AGBL4: variants seen among roughly 807,000 people sequenced by gnomAD.
AGBL4 encodes cytosolic carboxypeptidase 6.
Under a neutral mutation model 66.4 loss-of-function variants are expected in AGBL4, and 58 were observed. The observed-to-expected ratio is 0.87, with a 90% CI of 0.71 to 1.09. AGBL4 has a LOEUF of 1.09. Among genes scored for constraint, AGBL4 ranks in the 50% least tolerant of loss-of-function variants. AGBL4 has a pLI of 0.00. For synonymous variants in AGBL4, 234 were observed against 222.9 expected, an observed-to-expected ratio of 1.05 and a Z score of -0.44; for missense variants, 579 against 631.0, an observed-to-expected ratio of 0.92 and a Z score of 0.88.
intron 5 of AGBL4, among the ~76,000 whole-genome samples, chr1:48,977,629 T>A (rs1659442602): frequency 1.3e-5 from 2 of 152,084 alleles, no homozygotes; most frequent in Non-Finnish European, 2.9e-5. Context: ...GGGAACACAA[T>A]AATGGCTCCA....
intron 2 of AGBL4, among the ~76,000 whole-genome samples, chr1:49,749,668 A>G (rs1651292144): frequency 6.6e-6 from 1 of 152,164 alleles, no homozygotes; most frequent in African/African-American, 2.4e-5. Context: ...TTATATCAAA[A>G]AAACACAGGA....
intron 5 of AGBL4, among the ~76,000 whole-genome samples, chr1:48,916,289 C>T (rs1377746066): frequency 6.6e-6 from 1 of 152,144 alleles, no homozygotes; most frequent in Non-Finnish European, 1.5e-5. Flanking sequence ...CATAAACTTT[C>T]CCATCTGGCT....
At chr1:49,717,012 A>G (rs1648198660) in intron 2 of AGBL4, among the ~76,000 whole-genome samples, 1 of 152,028 alleles carries the variant, frequency 6.6e-6, no homozygotes, top group African/African-American at 2.4e-5. Context: ...TGACATGATC[A>G]TAGATTTAGA....
intron 3 of AGBL4, among the ~76,000 whole-genome samples, chr1:49,272,950 G>C (rs1477843747): frequency 1.3e-5 from 2 of 151,904 alleles, no homozygotes; most frequent in African/African-American, 4.8e-5. Flanking sequence ...TTTTTCCTGG[G>C]TATTTTAGTC....
intron 6 of AGBL4, among the ~76,000 whole-genome samples, chr1:48,842,856 C>T (rs887816955): frequency 6.6e-6 from 1 of 151,996 alleles, no homozygotes; most frequent in Non-Finnish European, 1.5e-5. Context: ...AAGAAAATCT[C>T]GTTGCATGCT....
intron 3 of AGBL4, among the ~76,000 whole-genome samples, chr1:49,639,999 G>A (rs1162379283): frequency 6.6e-6 from 1 of 152,124 alleles, no homozygotes; most frequent in East Asian, 1.9e-4. Context: ...AAGTCCATGA[G>A]GGAAACTGGC....
In AGBL4 at chr1:49,832,358, G is replaced by T. The variant is rs1436299991; in HGVS notation, c.157+19038C>A. The stretch of plus-strand genomic sequence containing the variant: ...TTTTTATGGCTGCATAGTATTCCAT[G>T]GTGTATATGTGCCACATTTTCTTAA... On this transcript the variant is annotated intron_variant, in intron 2 of 13. Coordinates refer to ENST00000371839, the MANE Select transcript of AGBL4 (RefSeq NM_032785.4). 9.3e-5 allele frequency among the ~76,000 whole-genome samples: 14 copies of T among 150,140 alleles called. No individual in the cohort carries two copies. In the Admixed American group the frequency reaches 9.4e-4, roughly 10 times the overall value.
intron 3 of AGBL4, among the ~76,000 whole-genome samples, chr1:49,347,559 TC>T (rs1380624076): frequency 6.6e-6 from 1 of 152,018 alleles, no homozygotes; most frequent in African/African-American, 2.4e-5. Flanking sequence ...TTCTTTACTT[TC>T]TTAATAAACT....
intron 3 of AGBL4, among the ~76,000 whole-genome samples, chr1:49,674,737 T>C (rs1646547263): frequency 6.6e-6 from 1 of 151,930 alleles, no homozygotes; most frequent in Non-Finnish European, 1.5e-5. Flanking sequence ...GAAATCACCA[T>C]TAAGTGGTAG....
chr1:48,792,252 A>G (rs532931820), intron 6 of AGBL4, among the ~76,000 whole-genome samples: 1 of 152,312 alleles, frequency 6.6e-6, no homozygotes, highest in Admixed American at 6.5e-5. Context: ...AATGGCCACC[A>G]ACAGACACTA....
intron 6 of AGBL4, among the ~76,000 whole-genome samples, chr1:48,818,700 G>A (rs914913678): frequency 1.8e-4 from 27 of 151,878 alleles, no homozygotes; most frequent in African/African-American, 6.5e-4. Flanking sequence ...TTCTAATACT[G>A]TAATATTAAG....
intron 2 of AGBL4, among the ~76,000 whole-genome samples, chr1:49,848,385 T>C (rs1023306992): frequency 6.6e-6 from 1 of 152,226 alleles, no homozygotes; most frequent in Non-Finnish European, 1.5e-5. Context: ...TTTATTACAA[T>C]ACTATTCACA....
At chr1:49,372,601 TTTTCTTTTTCTTTC>T (rs1225485201) in intron 3 of AGBL4, among the ~76,000 whole-genome samples, 3 of 148,624 alleles carry the variant, frequency 2.0e-5, no homozygotes, top group South Asian at 4.2e-4. Context: ...TTTCTTTTCT[TTTTCTTTTTCTTTC>T]TTTCTTTCTT....
In AGBL4 at chr1:49,188,830, C is replaced by T. The variant is rs183500308; in HGVS notation, c.377+56940G>A. Among the ~76,000 whole-genome samples the T allele has an allele frequency of 1.6e-4, 24 of 152,210 alleles. No individual in the cohort carries two copies. In the South Asian group the frequency reaches 2.1e-3, roughly 13 times the overall value. ...TTTCTAATTCATAAAATATTAATGC[C>T]GGTTGGTTTAGAAGGAGTGCAAAGT... On this transcript the variant is annotated intron_variant, in intron 4 of 13. Transcript: ENST00000371839.
chr1:49,398,993 C>T (rs1015087815), intron 3 of AGBL4, among the ~76,000 whole-genome samples: 1 of 152,052 alleles, frequency 6.6e-6, no homozygotes, highest in African/African-American at 2.4e-5. Context: ...CTGCCACCAC[C>T]CTACTACCCT....
chr1:49,176,572 T>G (rs984196510), intron 4 of AGBL4, among the ~76,000 whole-genome samples: 2 of 152,172 alleles, frequency 1.3e-5, no homozygotes, highest in African/African-American at 4.8e-5. Flanking sequence ...AATCCTGAAG[T>G]AATGATTTGA....
chr1:48,715,537 T>C (rs756548595), intron 6 of AGBL4, among the ~76,000 whole-genome samples: 1 of 152,198 alleles, frequency 6.6e-6, no homozygotes, highest in Non-Finnish European at 1.5e-5. Flanking sequence ...CTGGTGCTAG[T>C]GCAGCACCTA....
intron 5 of AGBL4, among the ~76,000 whole-genome samples, chr1:48,873,680 G>GT (rs1648919407): frequency 6.6e-6 from 1 of 152,134 alleles, no homozygotes; most frequent in African/African-American, 2.4e-5. Context: ...GTCACCAAAA[G>GT]AGGTCTTTAG....
intron 3 of AGBL4, among the ~76,000 whole-genome samples, chr1:49,394,042 T>C (rs1370141328): frequency 6.6e-6 from 1 of 152,126 alleles, no homozygotes; most frequent in Non-Finnish European, 1.5e-5. Flanking sequence ...ATTTCCCTTT[T>C]GATCTGATTA....
Sources: allele counts gnomAD v4.1 joint callset (sites outside exome capture counted in the v4.1 genomes callset), GRCh38; gene constraint gnomAD v4.1.1; transcripts MANE v1.5; gene names NCBI Gene and HGNC (gene_info 2026-07-23, HGNC 2026-07-21).